The following NELL2 variants were observed in gnomAD, a reference collection of about 807,000 sequenced individuals.
NELL2 encodes neural EGFL like 2, also known as protein kinase C-binding protein NELL2.
In NELL2, 41 loss-of-function variants were observed where a neutral mutation model predicts 109.6. The observed-to-expected ratio is 0.37, with a 90% CI of 0.29 to 0.49. NELL2 has a LOEUF of 0.49. Ranked by LOEUF, NELL2 falls within the 20% of genes least tolerant of loss-of-function variation. The pLI is 0.98. For missense variants in NELL2, 900 were observed against 1,008.3 expected (o/e 0.89, Z 1.45); for synonymous variants, 355 against 344.7 (o/e 1.03, Z -0.33).
At chr12:44,599,966 T>TG (rs1267289702) in intron 15 of NELL2, among the ~76,000 whole-genome samples, 2 of 145,058 alleles carry the variant, frequency 1.4e-5, no homozygotes, top group Non-Finnish European at 3.0e-5. Flanking sequence ...TTCCGTTTTT[T>TG]TTTTTTTTTT....
chr12:44,612,051 T>C (rs925851814), intron 13 of NELL2, among the ~76,000 whole-genome samples: 1 of 152,002 alleles, frequency 6.6e-6, no homozygotes, highest in African/African-American at 2.4e-5. Context: ...GTAATATAAA[T>C]CATGAAAGCA....
chr12:44,827,153 T>C (rs10785535), intron 2 of NELL2, among the ~76,000 whole-genome samples: 121,125 of 151,900 alleles, frequency 0.8, 48,832 homozygotes, highest in Middle Eastern at 0.94. Context: ...GTAACTTTTT[T>C]TAAAAAAATT....
intron 9 of NELL2, among the ~76,000 whole-genome samples, chr12:44,772,124 G>A (rs1447131692): frequency 3.3e-5 from 5 of 152,072 alleles, no homozygotes; most frequent in African/African-American, 1.2e-4. Context: ...TCTAAGAAGA[G>A]GGCTTATATT....
rs918445395 is a variant in NELL2, at chr12:44,772,718, T to C, written c.994+2029A>G. ...TCCATGGTACTTATATATCATTAAA[T>C]GTGAACAGAAAGATAAAGTCGCTTA... is the stretch of plus-strand genomic sequence containing the variant. On this transcript the variant is annotated intron_variant, in intron 9 of 19. Transcript: ENST00000429094. Among the ~76,000 whole-genome samples, 14 of 152,138 alleles carry C rather than the reference T, an allele frequency of 9.2e-5. 1 individual carries two copies. Among genetic ancestry groups the C allele is most frequent in the Admixed American group, 7.9e-4 (12 of 15,286 alleles).
At chr12:44,765,574 C>T (rs1231334732) in intron 9 of NELL2, among the ~76,000 whole-genome samples, 1 of 152,116 alleles carries the variant, frequency 6.6e-6, no homozygotes, top group Admixed American at 6.5e-5. Context: ...GGCTCTAGTA[C>T]ATAATATAGG....
intron 9 of NELL2, among the ~76,000 whole-genome samples, chr12:44,741,032 G>C (rs1269822137): frequency 6.6e-6 from 1 of 152,170 alleles, no homozygotes; most frequent in Non-Finnish European, 1.5e-5. Context: ...ACATGAGATT[G>C]AACTATACAG....
At chr12:44,875,507 C>CT (rs1945290594) in intron 1 of NELL2, 154 bp from the exon 2 acceptor site, 2 of 1,614,018 alleles carry the variant, frequency 1.2e-6, no homozygotes, top group East Asian at 4.5e-5. Context: ...AGAGCCTTAC[C>CT]TGAGATCAGC....
chr12:44,791,800 C>T (rs947859862), intron 3 of NELL2, among the ~76,000 whole-genome samples: 1 of 151,788 alleles, frequency 6.6e-6, no homozygotes. Flanking sequence ...TTTAAGGTAC[C>T]TAATGAACAT....
At position 44,762,369 on chromosome 12, in the gene NELL2, AC is replaced by A. The variant is rs557595242; in HGVS notation, c.994+12377del. 7.6e-4 allele frequency among the ~76,000 whole-genome samples: 115 copies of A among 152,146 alleles called. 1 individual carries two copies. Among genetic ancestry groups the A allele is most frequent in the Admixed American group, 3.7e-3 (57 of 15,274 alleles). On this transcript the variant is annotated intron_variant, in intron 9 of 19. Transcript: ENST00000429094. ...TCCTCAACTCCTCTCTTTCACTCATACCCATTTCTCACCATTAAAATTCCTG... is the reference window on the plus strand; with the variant it reads ...TCCTCAACTCCTCTCTTTCACTCATACCATTTCTCACCATTAAAATTCCTG...
At chr12:44,655,627 T>G (rs1000190995) in intron 13 of NELL2, among the ~76,000 whole-genome samples, 5 of 152,336 alleles carry the variant, frequency 3.3e-5, no homozygotes, top group Admixed American at 2.6e-4. Flanking sequence ...GGCCTGAAGT[T>G]TTCCAAACAT....
chr12:44,871,445 T>C (rs1220809378), intron 2 of NELL2, among the ~76,000 whole-genome samples: 1 of 152,220 alleles, frequency 6.6e-6, no homozygotes, highest in Non-Finnish European at 1.5e-5. Context: ...AGTAACTCGC[T>C]TAATTGTCAT....
Position 44,723,120 on chromosome 12 carries a change from C to T in NELL2, c.995-8379G>A, listed in dbSNP as rs142859515. On this transcript the variant is annotated intron_variant, in intron 9 of 19. Coordinates refer to ENST00000429094, the MANE Select transcript of NELL2 (RefSeq NM_001145108.2). ...AGGAGAATGACATGAACCCGGGAGG[C>T]GGAGCTTGCAGTGAGCCGAGATCGC... 6.4e-4 allele frequency among the ~76,000 whole-genome samples: 97 copies of T among 151,284 alleles called. 1 individual carries two copies. The highest frequency in any genetic ancestry group is 2.1e-3 in the African/African-American group (85 of 41,150).
intron 9 of NELL2, chr12:44,774,523 T>C (rs1054028145): frequency 4.0e-6 from 2 of 504,864 alleles, no homozygotes; most frequent in South Asian, 2.3e-5. Flanking sequence ...TATCACTATA[T>C]GGAATAGATT....
At chr12:44,614,199 G>A (rs1945733751) in intron 13 of NELL2, among the ~76,000 whole-genome samples, 1 of 151,742 alleles carries the variant, frequency 6.6e-6, no homozygotes, top group East Asian at 1.9e-4. Flanking sequence ...ATTAACAGCT[G>A]GAAGTGAAAT....
intron 19 of NELL2, among the ~76,000 whole-genome samples, chr12:44,509,396 AG>A (rs1277846850): frequency 6.6e-6 from 1 of 152,200 alleles, no homozygotes; most frequent in Non-Finnish European, 1.5e-5. Flanking sequence ...GAAAAGTGCT[AG>A]AAAGGTGCTA....
chr12:44,520,624 C>T (rs1343971742), intron 18 of NELL2, among the ~76,000 whole-genome samples: 2 of 151,820 alleles, frequency 1.3e-5, no homozygotes, highest in South Asian at 2.1e-4. Flanking sequence ...ATTATTAATT[C>T]CTTTATGCAT....
intron 12 of NELL2, among the ~76,000 whole-genome samples, chr12:44,679,670 T>C (rs1948431436): frequency 6.6e-6 from 1 of 152,136 alleles, no homozygotes; most frequent in South Asian, 2.1e-4. Context: ...TATTAGCCAC[T>C]GTCCTTCCAC....
At chr12:44,727,339 C>G (rs922403835) in intron 9 of NELL2, among the ~76,000 whole-genome samples, 1 of 151,880 alleles carries the variant, frequency 6.6e-6, no homozygotes, top group Non-Finnish European at 1.5e-5. Flanking sequence ...TCCAACTAGT[C>G]AATTTAGGGA....
intron 3 of NELL2, among the ~76,000 whole-genome samples, chr12:44,783,798 G>C (rs1466692568): frequency 6.6e-6 from 1 of 151,908 alleles, no homozygotes; most frequent in Non-Finnish European, 1.5e-5. Flanking sequence ...AAGTAACAGA[G>C]AGAAAAACTA....
Sources: gnomAD v4.1 joint callset for allele counts (sites outside exome capture counted in the v4.1 genomes callset) on GRCh38, gnomAD v4.1.1 for gene constraint, MANE v1.5 for transcripts, NCBI Gene and HGNC (gene_info 2026-07-23, HGNC 2026-07-21) for gene names.